CREB5: variants seen among roughly 807,000 people sequenced by gnomAD.
CREB5 encodes cAMP responsive element binding protein 5, also known as cyclic AMP-responsive element-binding protein 5.
A neutral mutation model predicts 57.1 loss-of-function variants in CREB5; 19 were observed. The observed-to-expected ratio is 0.33, with a 90% CI of 0.23 to 0.49. The LOEUF is 0.49. Ranked by LOEUF, CREB5 falls within the 20% of genes least tolerant of loss-of-function variation. The pLI, the probability that CREB5 is intolerant of heterozygous loss-of-function variation, is 0.99. For missense variants in CREB5, 579 were observed against 671.6 expected, an observed-to-expected ratio of 0.86 and a Z score of 1.52; for synonymous variants, 238 against 238.3, an observed-to-expected ratio of 1.00 and a Z score of 0.01.
intron 3 of CREB5, among the ~76,000 whole-genome samples, chr7:28,507,374 G>T (rs1436868636): frequency 6.6e-6 from 1 of 152,198 alleles, no homozygotes; most frequent in Non-Finnish European, 1.5e-5. Context: ...TCCTGAAGTT[G>T]TCTGGAGGGA....
At chr7:28,780,705 G>C (rs1208500870) in intron 7 of CREB5, among the ~76,000 whole-genome samples, 1 of 152,168 alleles carries the variant, frequency 6.6e-6, no homozygotes, top group Non-Finnish European at 1.5e-5. Context: ...CTGGGCCACA[G>C]ATTCAAAATC....
At chr7:28,554,633 C>T (rs1241890039) in intron 4 of CREB5, among the ~76,000 whole-genome samples, 2 of 152,242 alleles carry the variant, frequency 1.3e-5, no homozygotes, top group Non-Finnish European at 2.9e-5. Context: ...TGTAACTCTA[C>T]TGGGCAGCAC....
At chr7:28,790,165 G>T (rs1807580707) in intron 7 of CREB5, among the ~76,000 whole-genome samples, 1 of 152,158 alleles carries the variant, frequency 6.6e-6, no homozygotes, top group Admixed American at 6.5e-5. Context: ...TTGAATTTTA[G>T]TGCATATCCC....
At chr7:28,529,825 C>A (rs1333769731) in intron 4 of CREB5, among the ~76,000 whole-genome samples, 1 of 152,224 alleles carries the variant, frequency 6.6e-6, no homozygotes, top group African/African-American at 2.4e-5. Context: ...TCAGCTCCAA[C>A]ACACTTTGCT....
chr7:28,573,860 A>T (rs1392360999), intron 5 of CREB5, among the ~76,000 whole-genome samples: 1 of 152,214 alleles, frequency 6.6e-6, no homozygotes, highest in Non-Finnish European at 1.5e-5. Context: ...CAAAGAAGTA[A>T]TGTTAAAAGG....
intron 4 of CREB5, among the ~76,000 whole-genome samples, chr7:28,525,871 AATT>A (rs1793425594): frequency 6.6e-6 from 1 of 152,142 alleles, no homozygotes; most frequent in Admixed American, 6.5e-5. Flanking sequence ...TGGCAATAAT[AATT>A]ACTTAGCTCA....
chr7:28,551,845 T>C (rs4722810), intron 4 of CREB5, among the ~76,000 whole-genome samples: 64 of 99,904 alleles, frequency 6.4e-4, no homozygotes, highest in Admixed American at 4.8e-3. Flanking sequence ...TTCTTTCTTT[T>C]TCTTTCTTTC....
At chr7:28,501,197 AGTTGTAT>A (rs1792260555) in intron 3 of CREB5, among the ~76,000 whole-genome samples, 1 of 152,188 alleles carries the variant, frequency 6.6e-6, no homozygotes, top group Non-Finnish European at 1.5e-5. Flanking sequence ...TTTTGGTCTC[AGTTGTAT>A]GTTTGGATAT....
intron 4 of CREB5, among the ~76,000 whole-genome samples, chr7:28,511,717 C>G (rs1474445055): frequency 5.3e-5 from 8 of 152,210 alleles, no homozygotes. Flanking sequence ...AACTCCTGGA[C>G]TCAAGTGATC....
At chr7:28,479,664 A>C (rs1335133934) in intron 1 of CREB5, among the ~76,000 whole-genome samples, 4 of 152,212 alleles carry the variant, frequency 2.6e-5, no homozygotes, top group Admixed American at 6.5e-5. Context: ...CTCAGAACAC[A>C]ACTGCTGGCT....
At chr7:28,532,375 G>T (rs1199736383) in intron 4 of CREB5, among the ~76,000 whole-genome samples, 1 of 152,202 alleles carries the variant, frequency 6.6e-6, no homozygotes, top group African/African-American at 2.4e-5. Context: ...GAAACCGTGA[G>T]ATAATAAATG....
chr7:28,800,373 C>G (rs988368090), intron 7 of CREB5, among the ~76,000 whole-genome samples: 1 of 152,154 alleles, frequency 6.6e-6, no homozygotes, highest in African/African-American at 2.4e-5. Context: ...TGAAAGTTGG[C>G]CAGTGTGGCT....
intron 7 of CREB5, among the ~76,000 whole-genome samples, chr7:28,728,996 A>G (rs2128750892): frequency 6.6e-6 from 1 of 152,288 alleles, no homozygotes; most frequent in South Asian, 2.1e-4. Flanking sequence ...GAGCATCAGT[A>G]CTAAATGCTA....
intron 1 of CREB5, among the ~76,000 whole-genome samples, chr7:28,450,620 T>C (rs890978604): frequency 6.6e-6 from 1 of 152,222 alleles, no homozygotes; most frequent in Non-Finnish European, 1.5e-5. Flanking sequence ...TCCACTTGGC[T>C]GGATCCTCCA....
chr7:28,449,091 C>T (rs553377160), intron 1 of CREB5, among the ~76,000 whole-genome samples: 8 of 152,144 alleles, frequency 5.3e-5, no homozygotes, highest in African/African-American at 1.7e-4. Flanking sequence ...TCTTCTTCTC[C>T]TCTTCCATGT....
intron 1 of CREB5, among the ~76,000 whole-genome samples, chr7:28,373,904 C>CATAT (rs10585117): frequency 0.036 from 5,252 of 146,172 alleles, 109 homozygotes; most frequent in East Asian, 0.11. Context: ...TTTCTGCATC[C>CATAT]ATATATATAT....
intron 5 of CREB5, among the ~76,000 whole-genome samples, chr7:28,693,671 C>T (rs1457905411): frequency 2.0e-5 from 3 of 152,142 alleles, no homozygotes; most frequent in Non-Finnish European, 4.4e-5. Context: ...TCTGGCTTTG[C>T]CATTTGCTAA....
At chr7:28,498,801 T>G (rs969595746) in intron 3 of CREB5, among the ~76,000 whole-genome samples, 2 of 152,156 alleles carry the variant, frequency 1.3e-5, no homozygotes, top group Non-Finnish European at 2.9e-5. Context: ...TCATCTTTAT[T>G]TGGTCCACGT....
chr7:28,484,284 A>G (rs1171124555), intron 1 of CREB5, among the ~76,000 whole-genome samples: 2 of 152,218 alleles, frequency 1.3e-5, no homozygotes, highest in African/African-American at 4.8e-5. Context: ...TTATTACAAT[A>G]TGTGCTAGAA....
Sources: allele counts gnomAD v4.1 joint callset (sites outside exome capture counted in the v4.1 genomes callset), GRCh38; gene constraint gnomAD v4.1.1; transcripts MANE v1.5; gene names NCBI Gene and HGNC (gene_info 2026-07-23, HGNC 2026-07-21).